Variants in TBC1D32 observed in about 807,000 individuals in gnomAD.
TBC1D32 encodes the protein protein broad-minded.
In TBC1D32, 151 loss-of-function variants were observed where a neutral mutation model predicts 170.3. The ratio of observed to expected loss-of-function variants is 0.89; its 90% CI spans 0.78 to 1.01. The LOEUF (loss-of-function observed/expected upper bound fraction) is 1.01, where lower values mean the gene tolerates loss of function less well. TBC1D32 is among the 50% of genes least tolerant of loss of function. The pLI is 0.00. For missense variants in TBC1D32, 1,464 were observed against 1,457.1 expected (o/e 1.00, Z -0.08); for synonymous variants, 498 against 488.0 (o/e 1.02, Z -0.27).
chr6:121,118,162 C>T (rs1234215969), intron 26 of TBC1D32, among the ~76,000 whole-genome samples: 2 of 152,002 alleles, frequency 1.3e-5, no homozygotes, highest in Non-Finnish European at 2.9e-5. Flanking sequence ...CTTTAAATAT[C>T]AAACTAGAAG....
At chr6:121,262,774 G>A (rs528358121) in intron 15 of TBC1D32, among the ~76,000 whole-genome samples, 4 of 152,210 alleles carry the variant, frequency 2.6e-5, no homozygotes, top group South Asian at 4.2e-4. Context: ...ATGGCACCCA[G>A]CCATTGAACA....
chr6:121,221,924 T>C (rs558312492), intron 21 of TBC1D32, among the ~76,000 whole-genome samples: 12 of 152,234 alleles, frequency 7.9e-5, no homozygotes, highest in Non-Finnish European at 1.8e-4. Context: ...GAAGTTCTAC[T>C]GTGGGTAAAA....
At position 121,131,662 on chromosome 6, in the gene TBC1D32, AT is replaced by A; in HGVS notation, c.2863del (p.Met955Ter). 1.2e-6 allele frequency: 2 copies of A among 1,611,838 alleles called. No individual in the cohort carries two copies. Among genetic ancestry groups the A allele is most frequent in the Non-Finnish European group, 1.7e-6 (2 of 1,178,852 alleles). ...IENCQRQFCKMMKAKPDIISG... is the reference protein window; with the variant it reads ...IENCQRQFCKXMKAKPDIISG... ...GATTATATCAGGTTTGGCTTTCATC[AT>A]TTTGCAAAATTGTCTTTGGCAGTTT... On this transcript the variant is annotated frameshift_variant, in exon 25 of 32. Coordinates refer to ENST00000398212, the MANE Select transcript of TBC1D32 (RefSeq NM_152730.6). LOFTEE classifies it high-confidence loss of function.
chr6:121,286,049 AG>A (rs933713847), intron 12 of TBC1D32, among the ~76,000 whole-genome samples: 6 of 152,314 alleles, frequency 3.9e-5, no homozygotes, highest in Admixed American at 3.3e-4. Context: ...AAAACAGAGG[AG>A]AAAAACTGGA....
At chr6:121,168,848 C>G (rs1049401817) in intron 22 of TBC1D32, among the ~76,000 whole-genome samples, 1 of 151,204 alleles carries the variant, frequency 6.6e-6, no homozygotes, top group African/African-American at 2.4e-5. Context: ...ATACCTAGAA[C>G]TACAGCTAAC....
At chr6:121,090,078 G>A (rs1018620963) in intron 31 of TBC1D32, among the ~76,000 whole-genome samples, 1 of 151,956 alleles carries the variant, frequency 6.6e-6, no homozygotes, top group African/African-American at 2.4e-5. Context: ...GACTACAGGC[G>A]CCCGCCAACA....
intron 9 of TBC1D32, 36 bp from the exon 10 acceptor site, chr6:121,299,541 C>T: frequency 2.0e-6 from 3 of 1,465,756 alleles, no homozygotes; most frequent in Non-Finnish European, 2.8e-6. Flanking sequence ...AATACTCAAG[C>T]TGTGCCACTC....
intron 15 of TBC1D32, among the ~76,000 whole-genome samples, chr6:121,273,843 G>A (rs1056815850): frequency 3.3e-5 from 5 of 151,992 alleles, no homozygotes; most frequent in Admixed American, 6.6e-5. Context: ...AATGCAAAAC[G>A]GCAAGCTGTA....
At chr6:121,214,119 A>G (rs1793511641) in intron 21 of TBC1D32, among the ~76,000 whole-genome samples, 1 of 152,192 alleles carries the variant, frequency 6.6e-6, no homozygotes, top group African/African-American at 2.4e-5. Flanking sequence ...TCCTTATATC[A>G]TATACAAAAA....
intron 31 of TBC1D32, among the ~76,000 whole-genome samples, chr6:121,087,699 A>G (rs1460540598): frequency 2.6e-5 from 4 of 152,152 alleles, no homozygotes; most frequent in Non-Finnish European, 4.4e-5. Flanking sequence ...TGCTTGATCT[A>G]TTTATTTTTA....
chr6:121,100,617 G>A (rs1582769174), intron 30 of TBC1D32, among the ~76,000 whole-genome samples: 1 of 151,998 alleles, frequency 6.6e-6, no homozygotes, highest in African/African-American at 2.4e-5. Flanking sequence ...AGCACTAAAT[G>A]CCCACAAGAA....
intron 20 of TBC1D32, among the ~76,000 whole-genome samples, chr6:121,236,651 C>T (rs1796363693): frequency 6.6e-6 from 1 of 151,896 alleles, no homozygotes. Context: ...TTAAAAAATC[C>T]TTAGTTTATA....
chr6:121,334,505 A>AC (rs775325838), upstream of TBC1D32: 2 of 1,481,652 alleles, frequency 1.3e-6, no homozygotes, highest in Non-Finnish European at 1.8e-6. Flanking sequence ...GCGCACGCGC[A>AC]CCCCCACCCA....
intron 26 of TBC1D32, among the ~76,000 whole-genome samples, chr6:121,120,422 T>C (rs1204329082): frequency 6.6e-6 from 1 of 152,038 alleles, no homozygotes; most frequent in East Asian, 1.9e-4. Context: ...TATGGTCCAA[T>C]AAAGCAATGT....
chr6:121,250,853 A>C (rs939114374), intron 17 of TBC1D32, among the ~76,000 whole-genome samples: 1 of 151,994 alleles, frequency 6.6e-6, no homozygotes, highest in Non-Finnish European at 1.5e-5. Context: ...CAGCCCAAAA[A>C]CTCTTTAAGC....
At chr6:121,286,632 A>T (rs557761281) in intron 12 of TBC1D32, among the ~76,000 whole-genome samples, 89 of 152,272 alleles carry the variant, frequency 5.8e-4, no homozygotes, top group South Asian at 4.8e-3. Flanking sequence ...CCAACATTCA[A>T]ATTCAGGAAA....
At chr6:121,173,192 G>A (rs147353185) in intron 22 of TBC1D32, among the ~76,000 whole-genome samples, 3 of 152,234 alleles carry the variant, frequency 2.0e-5, no homozygotes, top group East Asian at 1.9e-4. Context: ...GGAAAGACTA[G>A]ACTGATTTAC....
chr6:121,329,215 A>AT (rs59115487), intron 1 of TBC1D32, among the ~76,000 whole-genome samples: 5,109 of 151,790 alleles, frequency 0.034, 285 homozygotes, highest in African/African-American at 0.12. Context: ...AAAAAATGCA[A>AT]TTTTTTTTTC....
At position 121,090,917 on chromosome 6, in the gene TBC1D32, A is replaced by C. The variant is rs1224501224; in HGVS notation, c.3590T>G (p.Phe1197Cys). The change falls in exon 31 of 32, where the codon TTC becomes TGC. Residue 1197 changes from phenylalanine (F) to cysteine (C), a missense_variant. By Grantham distance (205) the Phe-to-Cys change is radical. Coordinates refer to ENST00000398212, the MANE Select transcript of TBC1D32 (RefSeq NM_152730.6). ...DYQVYICIAVFKHLQQDILQH... is the reference protein window; with the variant it reads ...DYQVYICIAVCKHLQQDILQH... ...TAGAATGTCTTGCTGTAAATGTTTG[A>C]ATACAGCTATACAGATATACACTTG... 6.2e-7 allele frequency: 1 copy of C among 1,612,930 alleles called. No homozygotes were observed. Among genetic ancestry groups the C allele is most frequent in the South Asian group, 1.1e-5 (1 of 90,790 alleles).
Sources: gnomAD v4.1 joint callset for allele counts (sites outside exome capture counted in the v4.1 genomes callset) on GRCh38, gnomAD v4.1.1 for gene constraint, MANE v1.5 for transcripts, NCBI Gene and HGNC (gene_info 2026-07-23, HGNC 2026-07-21) for gene names.